The following MARCHF5 variants were observed in gnomAD, a reference collection of about 807,000 sequenced individuals.
MARCHF5 encodes the protein membrane associated ring-CH-type finger 5, also known as E3 ubiquitin-protein ligase MARCHF5.
MARCHF5 carries 5 observed loss-of-function variants against 36.5 expected under a neutral mutation model. That is an observed-to-expected ratio of 0.14 (90% confidence interval 0.07 to 0.29). MARCHF5 has a LOEUF of 0.29. Among genes scored for constraint, MARCHF5 ranks in the 10% least tolerant of loss-of-function variants. The pLI, the probability that MARCHF5 is intolerant of heterozygous loss-of-function variation, is 1.00. For synonymous variants in MARCHF5, 103 were observed against 109.9 expected (o/e 0.94, Z 0.39); for missense variants, 179 against 336.3 (o/e 0.53, Z 3.66).
chr10:92,347,532 T>G (rs2771258), intron 3 of MARCHF5, among the ~76,000 whole-genome samples: 72,486 of 118,602 alleles, frequency 0.61, 20,194 homozygotes, highest in South Asian at 0.71. Flanking sequence ...ATGATAGATA[T>G]ATAGATAGAT....
At chr10:92,344,280 G>A (rs1649409175) in intron 3 of MARCHF5, among the ~76,000 whole-genome samples, 1 of 152,148 alleles carries the variant, frequency 6.6e-6, no homozygotes, top group Non-Finnish European at 1.5e-5. Context: ...TGATAAGAGG[G>A]CAGAAGACTA....
intron 1 of MARCHF5, among the ~76,000 whole-genome samples, chr10:92,298,814 C>G (rs1842977767): frequency 6.6e-6 from 1 of 152,194 alleles, no homozygotes; most frequent in African/African-American, 2.4e-5. Flanking sequence ...CCTCCTGCCT[C>G]AGCCTCCCAT....
At chr10:92,307,367 A>G (rs1032646291) in intron 1 of MARCHF5, among the ~76,000 whole-genome samples, 2 of 152,084 alleles carry the variant, frequency 1.3e-5, no homozygotes, top group Non-Finnish European at 2.9e-5. Flanking sequence ...ATAGACTGCT[A>G]TTCTTTCCAT....
intron 3 of MARCHF5, among the ~76,000 whole-genome samples, chr10:92,345,632 C>CA (rs1038799215): frequency 6.7e-6 from 1 of 149,784 alleles, no homozygotes; most frequent in African/African-American, 2.4e-5. Flanking sequence ...GCAGGAAAAA[C>CA]AAAAAATTAT....
intron 3 of MARCHF5, among the ~76,000 whole-genome samples, chr10:92,344,022 A>C (rs1020317491): frequency 3.9e-5 from 6 of 152,218 alleles, no homozygotes; most frequent in African/African-American, 1.4e-4. Context: ...ATATAGATAT[A>C]TATATTTTGC....
chr10:92,306,746 G>A (rs1360170409), intron 1 of MARCHF5, among the ~76,000 whole-genome samples: 3 of 152,186 alleles, frequency 2.0e-5, no homozygotes, highest in East Asian at 1.9e-4. Context: ...AGGCGCAGTG[G>A]CTCATGACTG....
intron 2 of MARCHF5, among the ~76,000 whole-genome samples, chr10:92,322,439 CTTTTT>C (rs575122002): frequency 1.7e-5 from 2 of 120,456 alleles, no homozygotes; most frequent in Non-Finnish European, 1.8e-5. Context: ...TCTTTTTGTC[CTTTTT>C]TTTTTTTTTT....
In MARCHF5 at chr10:92,291,367, A is replaced by C; in HGVS notation, c.-128A>C. The C allele has an allele frequency of 3.6e-6, 3 of 824,188 alleles. No individual in the cohort carries two copies. Among genetic ancestry groups the C allele is most frequent in the Non-Finnish European group, 6.0e-6 (3 of 500,688 alleles). 51.1% of individuals were successfully genotyped at this position (824,188 alleles called of 1,614,324 possible). On this transcript the variant is annotated 5_prime_UTR_variant, in exon 1 of 6. Transcript: ENST00000358935. ...CCAGGCTAGCGGAGCTGCCCCGGGA[A>C]GCTGGGTGACGGGTTCGCGGCTGCC...
At chr10:92,348,622 T>C (rs1423015428) in intron 3 of MARCHF5, among the ~76,000 whole-genome samples, 2 of 152,162 alleles carry the variant, frequency 1.3e-5, no homozygotes, top group Non-Finnish European at 2.9e-5. Context: ...TCTACACCAA[T>C]TTAGAAATAG....
intron 1 of MARCHF5, among the ~76,000 whole-genome samples, chr10:92,302,073 C>T (rs907129576): frequency 9.9e-5 from 15 of 151,986 alleles, no homozygotes; most frequent in Admixed American, 6.6e-4. Context: ...AAAAAAATAC[C>T]TAATGCAGTG....
chr10:92,327,308 CT>C (rs200392421), intron 2 of MARCHF5, among the ~76,000 whole-genome samples: 271 of 140,154 alleles, frequency 1.9e-3, no homozygotes, highest in East Asian at 3.7e-3. Context: ...ATATGAAGAG[CT>C]TTTTTTTTTT....
At chr10:92,314,673 T>G (rs1283634594) in intron 2 of MARCHF5, among the ~76,000 whole-genome samples, 1 of 151,496 alleles carries the variant, frequency 6.6e-6, no homozygotes, top group Admixed American at 6.6e-5. Context: ...TATCCTTCAT[T>G]TGAGTAGGTA....
chr10:92,339,991 CAAAG>C (rs923973326), intron 2 of MARCHF5, among the ~76,000 whole-genome samples: 3 of 152,036 alleles, frequency 2.0e-5, no homozygotes, highest in African/African-American at 7.2e-5. Flanking sequence ...TATTGAAAAT[CAAAG>C]AGAGATAAAT....
chr10:92,310,448 G>C (rs557015346), intron 1 of MARCHF5, among the ~76,000 whole-genome samples: 1 of 151,846 alleles, frequency 6.6e-6, no homozygotes, highest in African/African-American at 2.4e-5. Flanking sequence ...TAAAATTACC[G>C]ATCTCAATAG....
chr10:92,292,580 C>G (rs1161979452), intron 1 of MARCHF5, among the ~76,000 whole-genome samples: 1 of 152,196 alleles, frequency 6.6e-6, no homozygotes. Flanking sequence ...GGTACACATC[C>G]TTCCAGAGTG....
intron 2 of MARCHF5, among the ~76,000 whole-genome samples, chr10:92,315,290 CCTCTCTGTATAACA>C (rs1843197076): frequency 6.6e-6 from 1 of 152,314 alleles, no homozygotes; most frequent in African/African-American, 2.4e-5. Flanking sequence ...AATTGTTCTT[CCTCTCTGTATAACA>C]CACGTAGCAC....
intron 3 of MARCHF5, among the ~76,000 whole-genome samples, chr10:92,343,847 G>A (rs1341871619): frequency 6.6e-6 from 1 of 152,170 alleles, no homozygotes. Context: ...GGGATTACAG[G>A]TGTGAGCCAC....
intron 2 of MARCHF5, among the ~76,000 whole-genome samples, chr10:92,317,760 T>C (rs1356322504): frequency 6.6e-6 from 1 of 151,840 alleles, no homozygotes; most frequent in African/African-American, 2.4e-5. Context: ...TGCTTTTTTT[T>C]TTTTTTTTGA....
At position 92,299,619 on chromosome 10, in the gene MARCHF5, ATTGTACTG is replaced by A. The variant is rs1842989384; in HGVS notation, c.35+8092_35+8099del. On this transcript the variant is annotated intron_variant, in intron 1 of 5. Transcript: ENST00000358935. ...TGTTGCATTTATTATAGTGTATCAC[ATTGTACTG>A]TAAATTTTTTAATATACTTGTCCCA... Among the ~76,000 whole-genome samples, 7 of 152,160 alleles carry A rather than the reference ATTGTACTG, an allele frequency of 4.6e-5. 1 individual carries two copies. The highest frequency in any genetic ancestry group is 4.6e-4 in the Admixed American group (7 of 15,264).
Sources: allele counts gnomAD v4.1 joint callset (sites outside exome capture counted in the v4.1 genomes callset), GRCh38; gene constraint gnomAD v4.1.1; transcripts MANE v1.5; gene names NCBI Gene and HGNC (gene_info 2026-07-23, HGNC 2026-07-21).